Variants in SCARA5 observed in about 807,000 individuals in gnomAD.
SCARA5 encodes scavenger receptor class A, member 5 (putative).
A neutral mutation model predicts 46.3 loss-of-function variants in SCARA5; 45 were observed. That is an observed-to-expected ratio of 0.97 (90% CI 0.76 to 1.24). SCARA5 has a LOEUF of 1.24. Ranked by LOEUF, SCARA5 falls within the 50% of genes most tolerant of loss-of-function variation. The pLI is 0.00. For synonymous variants in SCARA5, 333 were observed against 306.5 expected, an observed-to-expected ratio of 1.09 and a Z score of -0.90; for missense variants, 680 against 689.0, an observed-to-expected ratio of 0.99 and a Z score of 0.15.
chr8:27,963,722 C>T (rs2129931735), intron 3 of SCARA5, among the ~76,000 whole-genome samples: 1 of 152,142 alleles, frequency 6.6e-6, no homozygotes, highest in South Asian at 2.1e-4. Context: ...GAGAAAAGTC[C>T]TATGTGGGGC....
Position 27,950,879 on chromosome 8 carries a change from G to GAAAAAAAAA in SCARA5, c.241+15526_241+15534dup, listed in dbSNP as rs766482225. On this transcript the variant is annotated intron_variant, in intron 3 of 8. Transcript: ENST00000354914. ...CCTATTTCAGCACTCAGCTTTATGGGAAAAAAAAAAAAAGGTCAGTGTGGA... is the reference window on the plus strand; with the variant it reads ...CCTATTTCAGCACTCAGCTTTATGGGAAAAAAAAAAAAAAAAAAAAAAGGTCAGTGTGGA... Among the ~76,000 whole-genome samples the GAAAAAAAAA allele has an allele frequency of 7.1e-5, 10 of 140,994 alleles. 1 individual carries two copies. Among genetic ancestry groups the GAAAAAAAAA allele is most frequent in the African/African-American group, 7.8e-5 (3 of 38,290 alleles). The allele number at this position is 140,994 out of a possible 152,430, so 92.5% of individuals were successfully genotyped here.
At chr8:27,875,324 A>G (rs1486595835) in intron 8 of SCARA5, among the ~76,000 whole-genome samples, 1 of 152,086 alleles carries the variant, frequency 6.6e-6, no homozygotes, top group African/African-American at 2.4e-5. Flanking sequence ...GGGTTTTGGA[A>G]CTACAAAGGT....
At position 27,922,200 on chromosome 8, in the gene SCARA5, C is replaced by T. The variant is rs118019452; in HGVS notation, c.287G>A (p.Arg96His). 4.4e-6 allele frequency: 7 copies of T among 1,593,352 alleles called. No homozygotes were observed. The East Asian group carries it at 6.8e-5, about 15-fold the overall frequency. The change falls in exon 4 of 9, where the codon CGC (arginine) becomes CAC (histidine). Residue 96 changes from arginine (R) to histidine (H), a missense_variant. Arg to His is a conservative substitution (Grantham distance 29). Coordinates refer to ENST00000354914, the MANE Select transcript of SCARA5 (RefSeq NM_173833.6). ...GCTCTCATTCAGCCGGTTCACATTG[C>T]GAGTCAGGGCCTTCAGGTCGTCAGG... is the stretch of plus-strand genomic sequence containing the variant. ...SSPDDLKALT[R>H]NVNRLNESFR...
chr8:27,957,550 T>C (rs1808224841), intron 3 of SCARA5, among the ~76,000 whole-genome samples: 1 of 152,208 alleles, frequency 6.6e-6, no homozygotes, highest in Non-Finnish European at 1.5e-5. Flanking sequence ...ACCCTGGCAG[T>C]CTGACTCCGG....
rs137970547 is a variant in SCARA5 at position 27,887,507 on chromosome 8, G to A, written c.1154-7741C>T. 1.4e-3 allele frequency among the ~76,000 whole-genome samples: 213 copies of A among 152,252 alleles called. 1 individual carries two copies. The highest frequency in any genetic ancestry group is 4.9e-3 in the African/African-American group (204 of 41,546). On this transcript the variant is annotated intron_variant, in intron 7 of 8. Coordinates refer to ENST00000354914, the MANE Select transcript of SCARA5 (RefSeq NM_173833.6). ...ACCGGCACATAGCATCACTTGGCTG[G>A]AAAACCCAAGCTGAAGGGAAACACC...
intron 4 of SCARA5, among the ~76,000 whole-genome samples, chr8:27,914,875 C>T (rs17058248): frequency 0.018 from 2,765 of 152,212 alleles, 104 homozygotes; most frequent in East Asian, 0.13. Context: ...GGAGAAGCAC[C>T]GGGGTTTTCC....
chr8:27,911,496 G>A (rs2685347), intron 4 of SCARA5, among the ~76,000 whole-genome samples: 84,760 of 151,944 alleles, frequency 0.56, 24,271 homozygotes, highest in Non-Finnish European at 0.63. Flanking sequence ...GTTCGAGGCC[G>A]GCCTGGCCAA....
chr8:27,972,282 A>C (rs1179373949), intron 2 of SCARA5, among the ~76,000 whole-genome samples: 3 of 152,072 alleles, frequency 2.0e-5, no homozygotes, highest in Admixed American at 6.6e-5. Context: ...CTGCCACTGC[A>C]CTCCAGTCTG....
At chr8:27,906,985 T>C (rs572436325) in intron 6 of SCARA5, among the ~76,000 whole-genome samples, 163 bp downstream of exon 6, 27 of 152,282 alleles carry the variant, frequency 1.8e-4, no homozygotes, top group Admixed American at 5.2e-4. Context: ...TTTCTAGTTT[T>C]TGGAGGAAAA....
At chr8:27,876,443 G>A (rs954948096) in intron 8 of SCARA5, among the ~76,000 whole-genome samples, 3 of 152,116 alleles carry the variant, frequency 2.0e-5, no homozygotes, top group Non-Finnish European at 4.4e-5. Context: ...TGCAGGACTC[G>A]GGGACCAACC....
intron 3 of SCARA5, among the ~76,000 whole-genome samples, chr8:27,927,225 C>T (rs1237791488): frequency 6.6e-6 from 1 of 152,214 alleles, no homozygotes; most frequent in Admixed American, 6.5e-5. Flanking sequence ...TGCTCATCGG[C>T]TGCCTCCTCA....
chr8:27,902,935 G>A (rs1330185604), intron 7 of SCARA5, among the ~76,000 whole-genome samples: 1 of 152,190 alleles, frequency 6.6e-6, no homozygotes, highest in Non-Finnish European at 1.5e-5. Flanking sequence ...GTGAGTGTGG[G>A]GGGTCCAGGA....
At position 27,940,760 on chromosome 8, in the gene SCARA5, G is replaced by A. The variant is rs112420264; in HGVS notation, c.242-18515C>T. 3.7e-4 allele frequency among the ~76,000 whole-genome samples: 47 copies of A among 128,364 alleles called. No homozygotes were observed. The South Asian group carries it at 7.8e-3, about 21-fold the overall frequency. The allele number at this position is 128,364 out of a possible 152,430, so 84.2% of individuals were successfully genotyped here. The stretch of plus-strand genomic sequence containing the variant: ...TGCCCATCCACCCACCCAACCATCT[G>A]TCCATCCATCCATCCATCCATCCAT... On this transcript the variant is annotated intron_variant, in intron 3 of 8. Coordinates refer to ENST00000354914, the MANE Select transcript of SCARA5 (RefSeq NM_173833.6).
chr8:27,885,507 C>A (rs1806880952), intron 7 of SCARA5, among the ~76,000 whole-genome samples: 2 of 152,178 alleles, frequency 1.3e-5, no homozygotes, highest in African/African-American at 4.8e-5. Flanking sequence ...AGATACCCAG[C>A]CTGTGCAAAG....
intron 3 of SCARA5, among the ~76,000 whole-genome samples, chr8:27,927,604 A>C (rs2129832140): frequency 6.6e-6 from 1 of 152,332 alleles, no homozygotes; most frequent in African/African-American, 2.4e-5. Context: ...TCAAGAGGAC[A>C]CATTTAATTT....
At chr8:27,893,507 C>A (rs1417416546) in intron 7 of SCARA5, among the ~76,000 whole-genome samples, 2 of 151,942 alleles carry the variant, frequency 1.3e-5, no homozygotes, top group Non-Finnish European at 2.9e-5. Context: ...GAGTCTTACC[C>A]CAGATGCCCC....
intron 4 of SCARA5, 62 bp downstream of exon 4, chr8:27,921,509 G>T (rs1449462184): frequency 3.6e-6 from 5 of 1,404,958 alleles, no homozygotes; most frequent in Non-Finnish European, 4.8e-6. Context: ...GGGGAGGGGC[G>T]TGCAGGAGGA....
chr8:27,925,711 T>A (rs1264187561), intron 3 of SCARA5, among the ~76,000 whole-genome samples: 2 of 152,124 alleles, frequency 1.3e-5, no homozygotes, highest in African/African-American at 4.8e-5. Flanking sequence ...GACAAAGGGC[T>A]AATATCCAGA....
rs1380618771 is a variant in SCARA5 at position 27,921,952 on chromosome 8, C to T, written c.535G>A (p.Asp179Asn). 9 of 1,544,068 alleles carry T rather than the reference C, an allele frequency of 5.8e-6. No homozygotes were observed. Among genetic ancestry groups the T allele is most frequent in the African/African-American group, 1.4e-5 (1 of 71,510 alleles). Residue 179 changes from aspartate to asparagine, a missense_variant, in exon 4 of 9, where the codon GAC (aspartate) becomes AAC (asparagine). Physicochemically the swap from Asp to Asn is conservative, Grantham distance 23. Around this residue, in one of 3 missense-constraint regions of SCARA5, gnomAD observed 438 missense variants for 384.5 expected, o/e 1.14. Transcript: ENST00000354914. ...TGGTAGAGCTCCAGCTGCGCCGTGT[C>T]GCTCTGCTGGCCCGTGCGGTCCCGC... ...LLRDRTGQQS[D>N]TAQLELYQLQ...
Sources: gnomAD v4.1 joint callset for allele counts (sites outside exome capture counted in the v4.1 genomes callset) on GRCh38, gnomAD v4.1.1 for gene constraint, gnomAD v4.1.1 regional missense constraint, MANE v1.5 for transcripts, NCBI Gene and HGNC (gene_info 2026-07-23, HGNC 2026-07-21) for gene names.